ANK3: variants seen among roughly 807,000 people sequenced by gnomAD.
ANK3 encodes ankyrin-3.
ANK3 carries 57 observed loss-of-function variants against 370.9 expected under a neutral mutation model. That is an observed-to-expected ratio of 0.15 (90% confidence interval 0.12 to 0.19). The LOEUF (loss-of-function observed/expected upper bound fraction) is 0.19, where lower values mean the gene tolerates loss of function less well. Among genes scored for constraint, ANK3 ranks in the 10% least tolerant of loss-of-function variants. The probability of loss-of-function intolerance (pLI) is 1.00; values close to 1 mark genes in which losing one functional copy is unlikely to be tolerated. For synonymous variants in ANK3, 1,929 were observed against 1,946.3 expected (o/e 0.99, Z 0.23); for missense variants, 4,439 against 5,302.1 (o/e 0.84, Z 5.06).
intron 28 of ANK3, among the ~76,000 whole-genome samples, chr10:60,101,473 G>A (rs999084945): frequency 5.9e-5 from 9 of 152,028 alleles, no homozygotes; most frequent in Non-Finnish European, 1.0e-4. Context: ...AATTCAGTTC[G>A]CTGCGTTATA....
intron 42 of ANK3, among the ~76,000 whole-genome samples, chr10:60,048,189 AC>A (rs1345205723): frequency 1.3e-5 from 2 of 152,086 alleles, no homozygotes; most frequent in Non-Finnish European, 2.9e-5. Flanking sequence ...GAGGGATGGA[AC>A]CACCCCAGAC....
At position 60,088,304 on chromosome 10, in the gene ANK3, T is replaced by A; in HGVS notation, c.3383A>T (p.Lys1128Ile). 2.5e-6 allele frequency: 4 copies of A among 1,614,224 alleles called. No individual in the cohort carries two copies. The highest frequency in any genetic ancestry group is 3.3e-4 in the Middle Eastern group (2 of 6,062). The change falls in exon 29 of 44, where the codon AAA becomes ATA. Residue 1128 changes from lysine (K) to isoleucine (I), a missense_variant. This residue lies in a region of ANK3 where 702 missense variants were observed against 941.5 expected (regional missense o/e 0.75). Coordinates refer to ENST00000280772, the MANE Select transcript of ANK3 (RefSeq NM_020987.5). ...GKKRICRIITKDFPQYFAVVS... is the reference protein window; with the variant it reads ...GKKRICRIITIDFPQYFAVVS... The stretch of plus-strand genomic sequence containing the variant: ...CACTGCAAAATACTGGGGGAAATCT[T>A]TCGTGATAATCCTGCAGATACGCTT...
At chr10:60,485,883 T>C (rs1005525908) in intron 2 of ANK3, among the ~76,000 whole-genome samples, 5 of 151,946 alleles carry the variant, frequency 3.3e-5, no homozygotes, top group African/African-American at 1.2e-4. Context: ...GCTTTTGGGA[T>C]ACTAAAAATG....
At chr10:60,123,259 T>C (rs1334664675) in intron 25 of ANK3, among the ~76,000 whole-genome samples, 2 of 152,200 alleles carry the variant, frequency 1.3e-5, no homozygotes, top group African/African-American at 4.8e-5. Flanking sequence ...GGAAGTGATG[T>C]CAAGGATTAT....
At chr10:60,282,475 G>T (rs991786447) in intron 1 of ANK3, among the ~76,000 whole-genome samples, 8 of 151,990 alleles carry the variant, frequency 5.3e-5, no homozygotes, top group African/African-American at 1.9e-4. Context: ...ACTAATAAAG[G>T]TGATGAATAA....
rs769199320 is a variant in ANK3 at position 60,074,321 on chromosome 10, T to C, written c.6560A>G (p.Gln2187Arg). The C allele has an allele frequency of 1.9e-6, 3 of 1,614,064 alleles. No individual in the cohort carries two copies. The highest frequency in any genetic ancestry group is 2.5e-6 in the Non-Finnish European group (3 of 1,179,992). The change falls in exon 37 of 44, where the codon CAA becomes CGA. Residue 2187 changes from glutamine (Q) to arginine (R), a missense_variant. By Grantham distance (43) the Gln-to-Arg change is conservative. Coordinates refer to ENST00000280772, the MANE Select transcript of ANK3 (RefSeq NM_020987.5). Reference sequence around the variant, plus strand: ...TTTAGGTGACACAGGCTCCTCTGGTTGGGTCTGGGGAACATCCCCAGCTGA... The same window carrying C: ...TTTAGGTGACACAGGCTCCTCTGGTCGGGTCTGGGGAACATCCCCAGCTGA... ...DPSAGDVPQT[Q>R]PEEPVSPKPS...
intron 1 of ANK3, among the ~76,000 whole-genome samples, chr10:60,701,696 C>T (rs544899901): frequency 8.5e-5 from 13 of 152,268 alleles, no homozygotes; most frequent in South Asian, 8.3e-4. Context: ...GCCCCTTCTC[C>T]GCTGTGCTGC....
At chr10:60,183,633 C>T (rs1053290795) in intron 17 of ANK3, among the ~76,000 whole-genome samples, 3 of 151,914 alleles carry the variant, frequency 2.0e-5, no homozygotes, top group African/African-American at 2.4e-5. Context: ...CCAAGGCGGA[C>T]GGATCCCCTG....
At chr10:60,226,836 G>A (rs2097172096) in intron 8 of ANK3, among the ~76,000 whole-genome samples, 1 of 148,700 alleles carries the variant, frequency 6.7e-6, no homozygotes, top group African/African-American at 2.5e-5. Context: ...TATTTACACT[G>A]TTAGTTTTAT....
At chr10:60,690,616 C>T (rs76628225) in intron 1 of ANK3, among the ~76,000 whole-genome samples, 8 of 152,102 alleles carry the variant, frequency 5.3e-5, no homozygotes. Flanking sequence ...TTCTAACTAG[C>T]TGGTGCTTCA....
At chr10:60,679,359 AAAATAAAAATTGGTTGCAAGCTGACCCC>A (rs2079165179) in intron 1 of ANK3, among the ~76,000 whole-genome samples, 1 of 152,132 alleles carries the variant, frequency 6.6e-6, no homozygotes, top group African/African-American at 2.4e-5. Context: ...CAGTTTCTCT[AAAATAAAAATTGGTTGCAAGCTGACCCC>A]AAGTAAAGGC....
At chr10:60,196,094 G>A in intron 16 of ANK3, 51 bp downstream of exon 16, 1 of 1,502,246 alleles carries the variant, frequency 6.7e-7, no homozygotes, top group Non-Finnish European at 9.2e-7. Flanking sequence ...TGCAGATAGA[G>A]ACTGATAGAC....
At chr10:60,129,778 C>T (rs1005007234) in intron 25 of ANK3, among the ~76,000 whole-genome samples, 3 of 151,870 alleles carry the variant, frequency 2.0e-5, no homozygotes, top group Non-Finnish European at 4.4e-5. Flanking sequence ...CAAACACACA[C>T]CCCAAAGTTC....
intron 1 of ANK3, among the ~76,000 whole-genome samples, chr10:60,707,959 C>A (rs537832820): frequency 3.3e-5 from 5 of 152,074 alleles, no homozygotes; most frequent in African/African-American, 4.8e-5. Context: ...CCTGCTAGTG[C>A]GCTTCCCGCC....
At chr10:60,710,194 T>G (rs542270181) in intron 1 of ANK3, among the ~76,000 whole-genome samples, 1 of 152,158 alleles carries the variant, frequency 6.6e-6, no homozygotes, top group Non-Finnish European at 1.5e-5. Flanking sequence ...ACTGGAGAGA[T>G]GAACTGCTCA....
intron 25 of ANK3, among the ~76,000 whole-genome samples, chr10:60,116,573 T>C (rs2093102237): frequency 6.9e-6 from 1 of 145,284 alleles, no homozygotes; most frequent in Admixed American, 7.2e-5. Context: ...TTTACACCTA[T>C]GAAACAATAG....
chr10:60,517,785 G>A (rs75385415), intron 2 of ANK3, among the ~76,000 whole-genome samples: 391 of 142,882 alleles, frequency 2.7e-3, no homozygotes, highest in Non-Finnish European at 4.8e-3. Context: ...ACAGAAGTGC[G>A]CTCTGTATAA....
intron 1 of ANK3, among the ~76,000 whole-genome samples, chr10:60,632,588 A>AT (rs1020599166): frequency 1.3e-5 from 2 of 151,734 alleles, no homozygotes; most frequent in Admixed American, 6.6e-5. Flanking sequence ...GTCTTTACAA[A>AT]TTTTTTTTTA....
intron 7 of ANK3, among the ~76,000 whole-genome samples, chr10:60,244,651 G>C (rs888228198): frequency 5.3e-5 from 8 of 151,882 alleles, no homozygotes; most frequent in African/African-American, 1.9e-4. Flanking sequence ...TTATACTTTG[G>C]CATTATTTCT....
Sources: gnomAD v4.1 joint callset for allele counts (sites outside exome capture counted in the v4.1 genomes callset) on GRCh38, gnomAD v4.1.1 for gene constraint, gnomAD v4.1.1 regional missense constraint, MANE v1.5 for transcripts, NCBI Gene and HGNC (gene_info 2026-07-23, HGNC 2026-07-21) for gene names.